Variants in RASAL2 observed in about 807,000 individuals in gnomAD.
The protein encoded by RASAL2 is ras GTPase-activating protein nGAP.
RASAL2 carries 58 observed loss-of-function variants against 128.9 expected under a neutral mutation model. The ratio of observed to expected loss-of-function variants is 0.45; its 90% confidence interval spans 0.36 to 0.56. RASAL2 has a LOEUF of 0.56. Among genes scored for constraint, RASAL2 ranks in the 20% least tolerant of loss-of-function variants. The pLI is 0.00. For missense variants in RASAL2, 1,360 were observed against 1,601.6 expected (o/e 0.85, Z 2.57); for synonymous variants, 561 against 580.8 (o/e 0.97, Z 0.49).
At chr1:178,329,401 C>G (rs1242520552) in intron 3 of RASAL2, among the ~76,000 whole-genome samples, 1 of 152,124 alleles carries the variant, frequency 6.6e-6, no homozygotes, top group African/African-American at 2.4e-5. Context: ...ATTTAATAGG[C>G]CTGTGAAGTG....
intron 3 of RASAL2, among the ~76,000 whole-genome samples, chr1:178,354,434 G>A (rs1220912617): frequency 2.0e-5 from 3 of 152,142 alleles, no homozygotes; most frequent in African/African-American, 4.8e-5. Flanking sequence ...GAGGACCAAG[G>A]CTGGGATGTC....
At chr1:178,421,003 T>C (rs1256098636) in intron 5 of RASAL2, among the ~76,000 whole-genome samples, 1 of 152,192 alleles carries the variant, frequency 6.6e-6, no homozygotes. Context: ...TGTTATCTTG[T>C]TTCATCTTTA....
intron 3 of RASAL2, among the ~76,000 whole-genome samples, chr1:178,333,429 T>G (rs1340662105): frequency 6.6e-6 from 1 of 152,234 alleles, no homozygotes; most frequent in Non-Finnish European, 1.5e-5. Context: ...CCTATTTTTG[T>G]TTTTTGTCAA....
At chr1:178,425,659 T>C (rs1467898901) in intron 5 of RASAL2, among the ~76,000 whole-genome samples, 1 of 152,172 alleles carries the variant, frequency 6.6e-6, no homozygotes, top group Non-Finnish European at 1.5e-5. Context: ...AGAATCTCTT[T>C]ATAGGCATAA....
chr1:178,437,741 G>T (rs889491982), intron 5 of RASAL2, among the ~76,000 whole-genome samples: 1 of 152,042 alleles, frequency 6.6e-6, no homozygotes, highest in Admixed American at 6.6e-5. Flanking sequence ...TATTGGGAAA[G>T]ATTATATGAT....
chr1:178,349,651 A>G (rs1670355923), intron 3 of RASAL2, among the ~76,000 whole-genome samples: 2 of 151,900 alleles, frequency 1.3e-5, no homozygotes, highest in African/African-American at 4.8e-5. Context: ...ATATTTTATA[A>G]TAGTAATATA....
intron 3 of RASAL2, among the ~76,000 whole-genome samples, chr1:178,369,206 CAA>C (rs1671569525): frequency 2.6e-5 from 4 of 151,290 alleles, no homozygotes; most frequent in African/African-American, 7.3e-5. Context: ...GTACCCCATA[CAA>C]AGAGTGCAGT....
rs950690151 is a variant in RASAL2 at position 178,390,101 on chromosome 1, G to A, written c.459G>A (p.Glu153=). 3 of 1,595,976 alleles carry A rather than the reference G, an allele frequency of 1.9e-6. No homozygotes were observed. The highest frequency in any genetic ancestry group is 1.8e-5 in the Admixed American group (1 of 56,146). ...TTCAACTTTCCTCCTTTTTTCCAGA[G>A]GTACCAGCAGAAAGGTCCCCTCGTA... ...EYPPEGATKL[E]VPAERSPRRR... is the part of the protein sequence containing the mutation. The change falls in exon 4 of 18, where the codon GAG becomes GAA. Residue 153 remains glutamate (E), a splice_region_variant and synonymous_variant. Coordinates refer to ENST00000367649, the MANE Select transcript of RASAL2 (RefSeq NM_170692.4).
chr1:178,453,264 G>A (rs542563284), intron 11 of RASAL2, among the ~76,000 whole-genome samples: 8 of 152,106 alleles, frequency 5.3e-5, no homozygotes, highest in African/African-American at 9.6e-5. Context: ...AAGATAATTC[G>A]TGAATAATGT....
chr1:178,404,528 G>A (rs928620878), intron 4 of RASAL2, among the ~76,000 whole-genome samples: 1 of 151,550 alleles, frequency 6.6e-6, no homozygotes, highest in African/African-American at 2.4e-5. Flanking sequence ...CTACAAGCCC[G>A]TACCACCACG....
intron 3 of RASAL2, among the ~76,000 whole-genome samples, chr1:178,358,247 A>T (rs1272518391): frequency 0.034 from 4,989 of 146,716 alleles, 402 homozygotes; most frequent in African/African-American, 0.12. Context: ...TAAAAAAAAA[A>T]AAAAAAAAAA....
intron 1 of RASAL2, among the ~76,000 whole-genome samples, chr1:178,095,842 G>A (rs554568865): frequency 3.9e-5 from 6 of 152,252 alleles, no homozygotes; most frequent in East Asian, 3.9e-4. Flanking sequence ...GGGGCAGATC[G>A]AGTCACATTT....
rs143731776 is a variant in RASAL2, at chr1:178,126,558, C to T, written c.202+31864C>T. Among the ~76,000 whole-genome samples the T allele has an allele frequency of 5.3e-4, 81 of 152,298 alleles. 1 individual carries two copies. The South Asian group carries it at 7.9e-3, about 15-fold the overall frequency. On this transcript the variant is annotated intron_variant, in intron 1 of 17. Transcript: ENST00000367649. Reference sequence around the variant, plus strand: ...ATTACCTTTTAAAAAACACTTTTAACCATGTACAGGTAGTTATATTGAATA... The same window carrying T: ...ATTACCTTTTAAAAAACACTTTTAATCATGTACAGGTAGTTATATTGAATA...
intron 1 of RASAL2, among the ~76,000 whole-genome samples, chr1:178,141,679 T>C (rs936827046): frequency 6.6e-6 from 1 of 152,084 alleles, no homozygotes; most frequent in Non-Finnish European, 1.5e-5. Context: ...GTGCCTTCGA[T>C]GTCATTAACA....
chr1:178,111,350 C>G (rs1313596989), intron 1 of RASAL2, among the ~76,000 whole-genome samples: 1 of 152,216 alleles, frequency 6.6e-6, no homozygotes, highest in Admixed American at 6.5e-5. Flanking sequence ...CTCAAGTGAT[C>G]CTCCTGCCTT....
chr1:178,219,383 C>G (rs1303658128), intron 1 of RASAL2, among the ~76,000 whole-genome samples: 1 of 152,010 alleles, frequency 6.6e-6, no homozygotes, highest in Non-Finnish European at 1.5e-5. Context: ...TGTGGTGGCT[C>G]ACACCTGTAA....
chr1:178,207,399 A>G (rs753504200), intron 1 of RASAL2, among the ~76,000 whole-genome samples: 2 of 152,222 alleles, frequency 1.3e-5, no homozygotes, highest in African/African-American at 4.8e-5. Flanking sequence ...AAAATACGGT[A>G]TAAGAACTAT....
intron 1 of RASAL2, among the ~76,000 whole-genome samples, chr1:178,098,693 A>G (rs573745225): frequency 1.3e-3 from 191 of 152,294 alleles, no homozygotes; most frequent in African/African-American, 4.5e-3. Flanking sequence ...GGGATCAACA[A>G]GAAATCTTGT....
intron 1 of RASAL2, among the ~76,000 whole-genome samples, chr1:178,193,411 A>G (rs1006600711): frequency 6.6e-6 from 1 of 152,174 alleles, no homozygotes; most frequent in Non-Finnish European, 1.5e-5. Flanking sequence ...AAAATAAATT[A>G]CTTTTGTTCA....
Sources: gnomAD v4.1 joint callset for allele counts (sites outside exome capture counted in the v4.1 genomes callset) on GRCh38, gnomAD v4.1.1 for gene constraint, MANE v1.5 for transcripts, NCBI Gene and HGNC (gene_info 2026-07-23, HGNC 2026-07-21) for gene names.